The following GPRC6A variants were observed in gnomAD, a reference collection of about 807,000 sequenced individuals.
GPRC6A encodes G protein-coupled receptor class C group 6 member A.
Under a neutral mutation model 47.0 loss-of-function variants are expected in GPRC6A, and 54 were observed. The ratio of observed to expected loss-of-function variants is 1.15; its 90% CI spans 0.92 to 1.44. The LOEUF (loss-of-function observed/expected upper bound fraction) is 1.44, where lower values mean the gene tolerates loss of function less well. GPRC6A is among the 40% of genes most tolerant of loss of function. The pLI is 0.00. For synonymous variants in GPRC6A, 347 were observed against 377.1 expected (o/e 0.92, Z 0.93); for missense variants, 1,112 against 1,105.5 (o/e 1.01, Z -0.08).
At position 116,822,805 on chromosome 6, in the gene GPRC6A, A is replaced by C. The variant is rs183310576; in HGVS notation, c.194+6015T>G. Among the ~76,000 whole-genome samples the C allele has an allele frequency of 7.3e-4, 111 of 151,506 alleles. 1 individual carries two copies. Among genetic ancestry groups the C allele is most frequent in the African/African-American group, 2.7e-3 (110 of 41,214 alleles). ...CAGCGCACCAGCATGGCACAGGTAT[A>C]CAAATGTAACTAACCTGTACAATGT... On this transcript the variant is annotated intron_variant, in intron 1 of 5. Coordinates refer to ENST00000310357, the MANE Select transcript of GPRC6A (RefSeq NM_148963.4).
chr6:116,795,542 A>G (rs1219885459), intron 5 of GPRC6A, among the ~76,000 whole-genome samples, 170 bp downstream of exon 5: 1 of 152,186 alleles, frequency 6.6e-6, no homozygotes, highest in Non-Finnish European at 1.5e-5. Flanking sequence ...TGTTGACATA[A>G]TAGAGCAAAT....
intron 1 of GPRC6A, among the ~76,000 whole-genome samples, chr6:116,822,906 AAAAG>A (rs1554191144): frequency 1.1e-4 from 17 of 150,802 alleles, no homozygotes; most frequent in East Asian, 9.7e-4. Context: ...AAAAAAAAAA[AAAAG>A]AAAGAAAGAA....
At chr6:116,828,688 C>A in intron 1 of GPRC6A, 132 bp downstream of exon 1, 1 of 703,012 alleles carries the variant, frequency 1.4e-6, no homozygotes, top group Middle Eastern at 4.1e-4. Flanking sequence ...GCAAGATTAA[C>A]CATATGCAAC....
At position 116,795,811 on chromosome 6, in the gene GPRC6A, C is replaced by T. The variant is rs1772466961; in HGVS notation, c.1573G>A (p.Glu525Lys). ...LKQIQSKCSKECSPGQMKKTT... is the reference protein window; with the variant it reads ...LKQIQSKCSKKCSPGQMKKTT... ...TTCTTCATTTGCCCAGGACTGCATTCCTTGGAGCATTTAGATTGAATTTGC... is the reference window on the plus strand; with the variant it reads ...TTCTTCATTTGCCCAGGACTGCATTTCTTGGAGCATTTAGATTGAATTTGC... Residue 525 changes from glutamate to lysine, a missense_variant, in exon 5 of 6, where the codon GAA (glutamate) becomes AAA (lysine). By Grantham distance (56) the Glu-to-Lys change is moderately conservative (BLOSUM62 1). Coordinates refer to ENST00000310357, the MANE Select transcript of GPRC6A (RefSeq NM_148963.4). 6.2e-7 allele frequency: 1 copy of T among 1,602,904 alleles called. No homozygotes were observed. Among genetic ancestry groups the T allele is most frequent in the Non-Finnish European group, 8.5e-7 (1 of 1,172,988 alleles).
At chr6:116,818,531 CT>C (rs1773323306) in intron 1 of GPRC6A, among the ~76,000 whole-genome samples, 1 of 4,572 alleles carries the variant, frequency 2.2e-4, no homozygotes, top group South Asian at 8.9e-3. Flanking sequence ...GAGACTCCGT[CT>C]AAAAAAAAAA....
chr6:116,818,272 C>T (rs370572194), intron 1 of GPRC6A, among the ~76,000 whole-genome samples: 19 of 151,696 alleles, frequency 1.3e-4, no homozygotes, highest in East Asian at 3.9e-4. Context: ...CGGTGGCTCA[C>T]GCCTGTAATC....
intron 4 of GPRC6A, among the ~76,000 whole-genome samples, chr6:116,796,896 A>G (rs1772505590): frequency 6.6e-6 from 1 of 152,086 alleles, no homozygotes; most frequent in Non-Finnish European, 1.5e-5. Context: ...ATTTATTATT[A>G]TTATACTTTA....
At chr6:116,827,261 C>A (rs117896373) in intron 1 of GPRC6A, among the ~76,000 whole-genome samples, 1 of 151,858 alleles carries the variant, frequency 6.6e-6, no homozygotes, top group Non-Finnish European at 1.5e-5. Flanking sequence ...CCTCAAAAAG[C>A]CTGACTTGAT....
In GPRC6A at chr6:116,792,724, A is replaced by T; in HGVS notation, c.2199T>A (p.Asn733Lys). The part of the protein sequence containing the change: ...LIFAAPTVEV[N>K]VSLPRVIILE... ...GGATGATGACTCTGGGCAAGGAGAC[A>T]TTCACCTCTACAGTAGGTGCTGCAA... The change falls in exon 6 of 6, where the codon AAT becomes AAA. Residue 733 changes from asparagine to lysine, a missense_variant. Asn to Lys is a moderately conservative substitution (Grantham distance 94, BLOSUM62 0). Coordinates refer to ENST00000310357, the MANE Select transcript of GPRC6A (RefSeq NM_148963.4). The T allele has an allele frequency of 2.5e-6, 4 of 1,613,358 alleles. No individual in the cohort carries two copies. The highest frequency in any genetic ancestry group is 3.4e-6 in the Non-Finnish European group (4 of 1,179,452).
intron 2 of GPRC6A, among the ~76,000 whole-genome samples, chr6:116,808,379 A>G (rs1291361187): frequency 6.6e-6 from 1 of 152,138 alleles, no homozygotes; most frequent in African/African-American, 2.4e-5. Context: ...TTCCTTACGT[A>G]TCACCTAACT....
At chr6:116,817,757 G>A (rs992955819) in intron 1 of GPRC6A, among the ~76,000 whole-genome samples, 16 of 152,220 alleles carry the variant, frequency 1.1e-4, no homozygotes, top group South Asian at 4.1e-4. Context: ...GAGCCGATGC[G>A]ATCAACTGGA....
intron 1 of GPRC6A, among the ~76,000 whole-genome samples, chr6:116,817,237 C>A (rs1773252473): frequency 6.6e-6 from 1 of 152,006 alleles, no homozygotes; most frequent in Admixed American, 6.5e-5. Flanking sequence ...CCCCTGACCC[C>A]CGAGCAGCCT....
intron 1 of GPRC6A, among the ~76,000 whole-genome samples, chr6:116,821,366 G>C (rs1247089168): frequency 6.6e-6 from 1 of 151,974 alleles, no homozygotes; most frequent in East Asian, 1.9e-4. Context: ...CTACTTTAAA[G>C]TTCATATGGA....
intron 1 of GPRC6A, among the ~76,000 whole-genome samples, chr6:116,812,526 T>C (rs1486649781): frequency 2.0e-5 from 3 of 152,084 alleles, no homozygotes; most frequent in African/African-American, 7.2e-5. Context: ...GAAAACAACA[T>C]AGAATATATA....
Position 116,809,449 on chromosome 6 carries a change from G to A in GPRC6A, c.363C>T (p.Asn121=). 1 of 1,613,748 alleles carries A rather than the reference G, an allele frequency of 6.2e-7. No homozygotes were observed. The highest frequency in any genetic ancestry group is 1.1e-5 in the South Asian group (1 of 91,074). Residue 121 remains asparagine, a synonymous_variant, in exon 2 of 6, where the codon AAC becomes AAT. Transcript: ENST00000310357. ...AATLRFLSKF[N]CSRETVEFKC... is the part of the protein sequence containing the mutation. ...TAAACTCCACAGTTTCTCTGGAGCA[G>A]TTGAATTTAGAAAGAAACCTCAGAG... is the stretch of plus-strand genomic sequence containing the variant.
chr6:116,807,178 A>T lies in GPRC6A; in HGVS notation c.527T>A (p.Leu176Gln). The change falls in exon 3 of 6, where the codon CTG (leucine) becomes CAG (glutamine). Residue 176 changes from leucine (L) to glutamine (Q), a missense_variant. By Grantham distance (113) the Leu-to-Gln change is moderately radical. Transcript: ENST00000310357. Reference protein sequence around the residue: ...QVGYESTAEILSDKIRFPSFL... With the variant: ...QVGYESTAEIQSDKIRFPSFL... ...TGAAGGAAAGCGAATTTTGTCACTC[A>T]GGATTTCTGCAGTTGATTCATAACC... The T allele has an allele frequency of 6.2e-7, 1 of 1,612,820 alleles. No individual in the cohort carries two copies. The highest frequency in any genetic ancestry group is 8.5e-7 in the Non-Finnish European group (1 of 1,179,286).
intron 3 of GPRC6A, 53 bp from the exon 4 acceptor site, chr6:116,800,849 T>C (rs568706354): frequency 4.2e-5 from 45 of 1,071,066 alleles, no homozygotes; most frequent in Middle Eastern, 2.5e-4. Flanking sequence ...TGCAAATGTA[T>C]CCATTATTCT....
intron 1 of GPRC6A, among the ~76,000 whole-genome samples, chr6:116,823,087 T>TTTTG (rs555655440): frequency 2.6e-5 from 4 of 151,976 alleles, no homozygotes; most frequent in Non-Finnish European, 5.9e-5. Flanking sequence ...CCCCAGAAAT[T>TTTTG]TTTGTTTGTT....
intron 1 of GPRC6A, among the ~76,000 whole-genome samples, chr6:116,821,362 T>C (rs1191737162): frequency 6.6e-6 from 1 of 152,066 alleles, no homozygotes; most frequent in Non-Finnish European, 1.5e-5. Context: ...AAAACTACTT[T>C]AAAGTTCATA....
Sources: allele counts gnomAD v4.1 joint callset (sites outside exome capture counted in the v4.1 genomes callset), GRCh38; gene constraint gnomAD v4.1.1; transcripts MANE v1.5; gene names NCBI Gene and HGNC (gene_info 2026-07-23, HGNC 2026-07-21).